PPP2R2B: variants seen among roughly 807,000 people sequenced by gnomAD.
The protein encoded by PPP2R2B is serine/threonine-protein phosphatase 2A 55 kDa regulatory subunit B beta isoform.
In PPP2R2B, 5 loss-of-function variants were observed where a neutral mutation model predicts 46.0. The observed-to-expected ratio is 0.11, with a 90% CI of 0.06 to 0.23. PPP2R2B has a LOEUF of 0.23. Among genes scored for constraint, PPP2R2B ranks in the 10% least tolerant of loss-of-function variants. PPP2R2B has a pLI of 1.00. For missense variants in PPP2R2B, 367 were observed against 575.0 expected (o/e 0.64, Z 3.70); for synonymous variants, 215 against 206.7 (o/e 1.04, Z -0.34).
chr5:146,912,951 AATCCTATCT>A (rs1470417472), intron 1 of PPP2R2B, among the ~76,000 whole-genome samples: 4 of 152,188 alleles, frequency 2.6e-5, no homozygotes, highest in African/African-American at 9.7e-5. Flanking sequence ...GGTAAGTTCA[AATCCTATCT>A]ATAGCCAAGA....
At chr5:146,703,061 G>A (rs1025959110) in intron 2 of PPP2R2B, among the ~76,000 whole-genome samples, 1 of 152,152 alleles carries the variant, frequency 6.6e-6, no homozygotes, top group Admixed American at 6.5e-5. Context: ...ATGTTTAGAC[G>A]AGAGAAGGCA....
intron 5 of PPP2R2B, among the ~76,000 whole-genome samples, chr5:146,654,567 G>C (rs1208737300): frequency 6.6e-6 from 1 of 152,132 alleles, no homozygotes; most frequent in Non-Finnish European, 1.5e-5. Flanking sequence ...TGTGTGGTGG[G>C]AGTCTTACAG....
intron 1 of PPP2R2B, among the ~76,000 whole-genome samples, chr5:146,935,678 G>T (rs996958403): frequency 6.6e-5 from 10 of 151,858 alleles, no homozygotes; most frequent in Non-Finnish European, 1.0e-4. Flanking sequence ...AAGTAAAGAG[G>T]GCAAGAAAAG....
At chr5:147,043,012 T>G (rs1260876720) in intron 1 of PPP2R2B, among the ~76,000 whole-genome samples, 1 of 152,026 alleles carries the variant, frequency 6.6e-6, no homozygotes, top group Admixed American at 6.6e-5. Flanking sequence ...GCTAATACCT[T>G]GTAGCTTGTT....
At chr5:147,027,026 C>T (rs1195082453) in intron 1 of PPP2R2B, among the ~76,000 whole-genome samples, 2 of 152,078 alleles carry the variant, frequency 1.3e-5, no homozygotes, top group African/African-American at 4.8e-5. Flanking sequence ...AACTGGAAAC[C>T]ACACAAATAT....
chr5:146,811,723 G>A (rs926787673), intron 2 of PPP2R2B, among the ~76,000 whole-genome samples: 6 of 147,262 alleles, frequency 4.1e-5, no homozygotes. Flanking sequence ...ACCACGCCCG[G>A]CTAATTTTTT....
intron 2 of PPP2R2B, among the ~76,000 whole-genome samples, chr5:146,823,225 T>C (rs1257084587): frequency 6.6e-6 from 1 of 151,846 alleles, no homozygotes; most frequent in African/African-American, 2.4e-5. Flanking sequence ...TGAGATGGAG[T>C]CTTGCTCTGT....
chr5:146,617,033 T>C (rs546933527), intron 7 of PPP2R2B: 24 of 152,222 alleles, frequency 1.6e-4, no homozygotes, highest in Non-Finnish European at 3.2e-4. Flanking sequence ...TGAAGTACTA[T>C]TCAGCCATGA....
chr5:146,919,903 C>A (rs561995498), intron 1 of PPP2R2B: 30 of 152,194 alleles, frequency 2.0e-4, no homozygotes, highest in African/African-American at 6.3e-4. Flanking sequence ...ATTAATTAAA[C>A]CAGTTTGCGT....
chr5:146,763,558 G>T (rs537964404), intron 2 of PPP2R2B, among the ~76,000 whole-genome samples: 2 of 152,194 alleles, frequency 1.3e-5, no homozygotes, highest in African/African-American at 2.4e-5. Context: ...CTTTTCTGCT[G>T]CTCATAAGGA....
rs370757971 is a variant in PPP2R2B at position 146,936,776 on chromosome 5, G to T, written c.79+118889C>A. On this transcript the variant is annotated intron_variant, in intron 1 of 8. Transcript: ENST00000336640. ...TGTACTGAGAATTTACTCCTTGCCA[G>T]GTAACTGGGGATCATAGAAATAAAA... Among the ~76,000 whole-genome samples the T allele has an allele frequency of 7.9e-5, 12 of 152,030 alleles. No individual in the cohort carries two copies. In the East Asian group the frequency reaches 2.1e-3, roughly 27 times the overall value.
chr5:146,764,400 G>A (rs1203346908), intron 2 of PPP2R2B, among the ~76,000 whole-genome samples: 4 of 152,132 alleles, frequency 2.6e-5, no homozygotes, highest in South Asian at 2.1e-4. Flanking sequence ...TATTTAGGGC[G>A]CTATTTCTTC....
intron 2 of PPP2R2B, among the ~76,000 whole-genome samples, chr5:146,774,208 A>G (rs538945440): frequency 6.6e-6 from 1 of 152,300 alleles, no homozygotes; most frequent in African/African-American, 2.4e-5. Context: ...TACCTAACTC[A>G]TGGGGTTAAG....
At chr5:146,887,155 C>T (rs944296161) in intron 1 of PPP2R2B, among the ~76,000 whole-genome samples, 2 of 151,950 alleles carry the variant, frequency 1.3e-5, no homozygotes, top group African/African-American at 2.4e-5. Flanking sequence ...ATAATTTCAA[C>T]ATATAATCAA....
At chr5:146,778,119 A>G (rs1755298717) in intron 2 of PPP2R2B, among the ~76,000 whole-genome samples, 2 of 152,168 alleles carry the variant, frequency 1.3e-5, no homozygotes, top group African/African-American at 4.8e-5. Flanking sequence ...TCCAGAGGCA[A>G]TGGAAAATGG....
chr5:146,915,414 C>A (rs554010849), intron 1 of PPP2R2B, among the ~76,000 whole-genome samples: 1 of 151,580 alleles, frequency 6.6e-6, no homozygotes, highest in Non-Finnish European at 1.5e-5. Context: ...TCCCCTCCTA[C>A]TCAATAAATC....
rs562446157 is a variant in PPP2R2B, at chr5:146,941,254, A to C, written c.79+114411T>G. Among the ~76,000 whole-genome samples the C allele has an allele frequency of 3.3e-5, 5 of 152,314 alleles. No individual in the cohort carries two copies. The South Asian group carries it at 1.0e-3, about 32-fold the overall frequency. ...AATGCCATATGTCTGTTCACAATGC[A>C]TTCTGGCTAACTGCTATGTGGTTGA... is the stretch of plus-strand genomic sequence containing the variant. On this transcript the variant is annotated intron_variant, in intron 1 of 8. Coordinates refer to the PPP2R2B transcript ENST00000336640.
At chr5:146,627,304 C>CTCAGGGGCTT (rs1382243830) in intron 7 of PPP2R2B, among the ~76,000 whole-genome samples, 1 of 152,200 alleles carries the variant, frequency 6.6e-6, no homozygotes, top group Non-Finnish European at 1.5e-5. Context: ...TATGCCAAAT[C>CTCAGGGGCTT]TCAGGGGCTT....
intron 1 of PPP2R2B, among the ~76,000 whole-genome samples, chr5:147,044,086 C>T (rs1280236793): frequency 6.6e-6 from 1 of 152,044 alleles, no homozygotes; most frequent in African/African-American, 2.4e-5. Context: ...GGGCTAGCCA[C>T]CTAAATGCTT....
Sources: allele counts gnomAD v4.1 joint callset (sites outside exome capture counted in the v4.1 genomes callset), GRCh38; gene constraint gnomAD v4.1.1; transcripts MANE v1.5; gene names NCBI Gene and HGNC (gene_info 2026-07-23, HGNC 2026-07-21).